TNRC6C: variants seen among roughly 807,000 people sequenced by gnomAD.
The protein encoded by TNRC6C is trinucleotide repeat-containing gene 6C protein.
TNRC6C carries 20 observed loss-of-function variants against 153.7 expected under a neutral mutation model. The ratio of observed to expected loss-of-function variants is 0.13; its 90% CI spans 0.09 to 0.19. The LOEUF (loss-of-function observed/expected upper bound fraction) is 0.19. TNRC6C is among the 10% of genes least tolerant of loss of function. The pLI is 1.00. For missense variants in TNRC6C, 1,987 were observed against 2,172.0 expected, an observed-to-expected ratio of 0.91 and a Z score of 1.69; for synonymous variants, 811 against 841.4, an observed-to-expected ratio of 0.96 and a Z score of 0.63.
chr17:78,078,704 C>A (rs868013256), intron 9 of TNRC6C, among the ~76,000 whole-genome samples: 1 of 152,164 alleles, frequency 6.6e-6, no homozygotes, highest in East Asian at 1.9e-4. Flanking sequence ...GTGGCTCACG[C>A]CTGTAATCCT....
intron 6 of TNRC6C, among the ~76,000 whole-genome samples, chr17:78,071,830 G>T (rs892577532): frequency 2.6e-5 from 4 of 152,128 alleles, no homozygotes; most frequent in Non-Finnish European, 4.4e-5. Context: ...AAGTACTAAG[G>T]TTTCATATCC....
chr17:78,010,527 A>G (rs918293924), intron 1 of TNRC6C, among the ~76,000 whole-genome samples: 18 of 152,182 alleles, frequency 1.2e-4, no homozygotes, highest in African/African-American at 3.6e-4. Flanking sequence ...TTTTTCTACA[A>G]CCACATAATG....
intron 1 of TNRC6C, among the ~76,000 whole-genome samples, chr17:77,963,399 C>G (rs553906146): frequency 9.9e-4 from 151 of 152,306 alleles, no homozygotes; most frequent in African/African-American, 3.0e-3. Flanking sequence ...TTTAAAAAAT[C>G]TCCACCTGGG....
At chr17:78,024,320 A>T (rs781185484) in intron 1 of TNRC6C, among the ~76,000 whole-genome samples, 14 of 152,012 alleles carry the variant, frequency 9.2e-5, no homozygotes, top group Non-Finnish European at 1.5e-5. Flanking sequence ...TCCATTTTTT[A>T]TTAATAGGCT....
upstream of TNRC6C, among the ~76,000 whole-genome samples, chr17:77,958,014 T>G (rs567411263): frequency 6.6e-6 from 1 of 152,026 alleles, no homozygotes; most frequent in South Asian, 2.1e-4. Flanking sequence ...GGGCGCTCCC[T>G]GGGGAGCGAC....
chr17:78,056,735 A>C (rs966740938), intron 3 of TNRC6C, among the ~76,000 whole-genome samples: 14 of 151,084 alleles, frequency 9.3e-5, no homozygotes, highest in Middle Eastern at 3.2e-3. Flanking sequence ...AAAGTGCTGG[A>C]ATTACAGGCG....
At chr17:78,024,345 A>C (rs2071892608) in intron 1 of TNRC6C, among the ~76,000 whole-genome samples, 1 of 151,808 alleles carries the variant, frequency 6.6e-6, no homozygotes, top group African/African-American at 2.4e-5. Flanking sequence ...TATTTAGAGC[A>C]GTTTTTTTTG....
chr17:78,086,746 C>G (rs547959316), intron 12 of TNRC6C, 107 bp from the exon 15 acceptor site: 3 of 1,571,900 alleles, frequency 1.9e-6, no homozygotes, highest in Middle Eastern at 1.7e-4. Context: ...GTTGGCCTAG[C>G]CAGTAGTGGC....
chr17:78,045,171 A>G (rs1025242139), intron 2 of TNRC6C, among the ~76,000 whole-genome samples: 1 of 152,216 alleles, frequency 6.6e-6, no homozygotes, highest in Non-Finnish European at 1.5e-5. Flanking sequence ...GGGCATGGGA[A>G]GAGACCTGTT....
At chr17:78,068,531 C>T (rs1256764761) in intron 5 of TNRC6C, among the ~76,000 whole-genome samples, 1 of 152,142 alleles carries the variant, frequency 6.6e-6, no homozygotes, top group African/African-American at 2.4e-5. Flanking sequence ...CAGTGGCTCA[C>T]ACCTGTAATC....
intron 1 of TNRC6C, 29 bp downstream of exon 3, chr17:78,005,108 A>C (rs564254926): frequency 1.6e-6 from 2 of 1,227,588 alleles, no homozygotes; most frequent in Non-Finnish European, 2.0e-6. Flanking sequence ...AGGGGGGTAC[A>C]TTTATGGCGG....
intron 1 of TNRC6C, chr17:78,012,074 C>T (rs1367562174): frequency 6.6e-6 from 1 of 152,128 alleles, no homozygotes; most frequent in Non-Finnish European, 1.5e-5. Context: ...GTCTACATGC[C>T]TCAGTCATTG....
intron 1 of TNRC6C, among the ~76,000 whole-genome samples, chr17:77,990,684 G>A (rs1306505990): frequency 6.6e-6 from 1 of 152,148 alleles, no homozygotes; most frequent in African/African-American, 2.4e-5. Context: ...GAAGGAAATT[G>A]TCTGTCTTTC....
chr17:77,972,515 A>G (rs2070947523), intron 1 of TNRC6C, among the ~76,000 whole-genome samples: 2 of 152,004 alleles, frequency 1.3e-5, no homozygotes, highest in Non-Finnish European at 2.9e-5. Flanking sequence ...CTGTCTTAAA[A>G]AAAAAAAAAA....
At chr17:78,083,897 A>G (rs1210938963) in intron 11 of TNRC6C, among the ~76,000 whole-genome samples, 1 of 152,226 alleles carries the variant, frequency 6.6e-6, no homozygotes, top group Non-Finnish European at 1.5e-5. Context: ...CTGAAATTAT[A>G]TACACTAAAA....
chr17:78,025,473 TTATC>T (rs930548448), intron 1 of TNRC6C, among the ~76,000 whole-genome samples: 1 of 152,216 alleles, frequency 6.6e-6, no homozygotes, highest in Non-Finnish European at 1.5e-5. Flanking sequence ...ATGCACCAGT[TTATC>T]CATTCACGTA....
intron 1 of TNRC6C, among the ~76,000 whole-genome samples, chr17:77,979,237 T>C (rs1289061963): frequency 6.6e-6 from 1 of 152,234 alleles, no homozygotes; most frequent in Admixed American, 6.5e-5. Context: ...ATCTTTTGTA[T>C]ATTTTAAAAT....
chr17:78,007,206 A>G (rs1598675990), intron 1 of TNRC6C, among the ~76,000 whole-genome samples: 1 of 152,090 alleles, frequency 6.6e-6, no homozygotes, highest in Non-Finnish European at 1.5e-5. Flanking sequence ...CTCCTTCTAT[A>G]TCCTCTAAAA....
intron 1 of TNRC6C, among the ~76,000 whole-genome samples, chr17:77,988,745 CA>C (rs1330950530): frequency 1.3e-5 from 2 of 152,158 alleles, no homozygotes; most frequent in African/African-American, 4.8e-5. Context: ...TGTTATGGTA[CA>C]TGTGTCTAGA....
Sources: gnomAD v4.1 joint callset for allele counts (sites outside exome capture counted in the v4.1 genomes callset) on GRCh38, gnomAD v4.1.1 for gene constraint, MANE v1.5 for transcripts, NCBI Gene and HGNC (gene_info 2026-07-23, HGNC 2026-07-21) for gene names.